Variants in DNAI3 observed in about 807,000 individuals in gnomAD.
DNAI3 encodes WD repeat domain 63.
In DNAI3, 83 loss-of-function variants were observed where a neutral mutation model predicts 115.5. The observed-to-expected ratio is 0.72, with a 90% CI of 0.60 to 0.86. DNAI3 has a LOEUF of 0.86. Among genes scored for constraint, DNAI3 ranks in the 40% least tolerant of loss-of-function variants. The pLI, the probability that DNAI3 is intolerant of heterozygous loss-of-function variation, is 0.00. For synonymous variants in DNAI3, 320 were observed against 347.0 expected (o/e 0.92, Z 0.86); for missense variants, 1,004 against 1,075.8 (o/e 0.93, Z 0.93).
chr1:85,079,089 G>C (rs72946771), intron 3 of DNAI3, among the ~76,000 whole-genome samples: 1 of 152,190 alleles, frequency 6.6e-6, no homozygotes, highest in African/African-American at 2.4e-5. Context: ...CACTAGCACA[G>C]TGTGAGTCTC....
Position 85,108,014 on chromosome 1 carries a change from A to G in DNAI3, c.1554-19A>G. 7.7e-6 allele frequency: 11 copies of G among 1,426,266 alleles called. No individual in the cohort carries two copies. The highest frequency in any genetic ancestry group is 1.0e-5 in the Non-Finnish European group (11 of 1,093,794). 88.4% of individuals were successfully genotyped at this position (1,426,266 alleles called of 1,614,324 possible). On this transcript the variant is annotated intron_variant, in intron 14 of 22. Coordinates refer to ENST00000294664, the MANE Select transcript of DNAI3 (RefSeq NM_145172.5). ...CTCTTGTTTGTACTTAATAAAAAAT[A>G]TATATAAATTTTTTTTAGCACAATA...
intron 22 of DNAI3, among the ~76,000 whole-genome samples, chr1:85,131,462 AAT>A (rs201198714): frequency 0.17 from 18,912 of 111,284 alleles, 2,351 homozygotes; most frequent in East Asian, 0.27. Context: ...AAAAAAAAAA[AAT>A]AAAGCATTAG....
intron 13 of DNAI3, among the ~76,000 whole-genome samples, chr1:85,102,877 T>TG (rs1313222928): frequency 1.3e-5 from 2 of 152,226 alleles, no homozygotes; most frequent in African/African-American, 4.8e-5. Flanking sequence ...TCTATAATAC[T>TG]GTTATGTTTT....
Position 85,106,766 on chromosome 1 carries a change from A to G in DNAI3, c.1554-1267A>G, listed in dbSNP as rs147896913. Among the ~76,000 whole-genome samples, 36 of 152,356 alleles carry G rather than the reference A, an allele frequency of 2.4e-4. No homozygotes were observed. In the East Asian group the frequency reaches 6.2e-3, roughly 26 times the overall value. ...CCAACTGATTTTCAACAAGGATGCCAAGACAATTCAATGGATAAAGAATAA... is the reference window on the plus strand; with the variant it reads ...CCAACTGATTTTCAACAAGGATGCCGAGACAATTCAATGGATAAAGAATAA... On this transcript the variant is annotated intron_variant, in intron 14 of 22. Coordinates refer to ENST00000294664, the MANE Select transcript of DNAI3 (RefSeq NM_145172.5).
In DNAI3 at chr1:85,117,755, G is replaced by A; in HGVS notation, c.1813G>A (p.Glu605Lys). ...QDKMLAQSKT[E>K]KAEEMNPYHN... ...CAAAATGTTAGCACAGAGCAAAACA[G>A]AGAAGGCAGAAGAAATGAACCCGTA... The change falls in exon 17 of 23, where the codon GAG becomes AAG. Residue 605 changes from glutamate (E) to lysine (K), a missense_variant. Transcript: ENST00000294664. 6.2e-7 allele frequency: 1 copy of A among 1,613,810 alleles called. No homozygotes were observed. The highest frequency in any genetic ancestry group is 1.1e-5 in the South Asian group (1 of 91,058).
In DNAI3 at chr1:85,077,988, T is replaced by C. The variant is rs561491173; in HGVS notation, c.104-3246T>C. Among the ~76,000 whole-genome samples, 17 of 152,326 alleles carry C rather than the reference T, an allele frequency of 1.1e-4. No individual in the cohort carries two copies. In the South Asian group the frequency reaches 1.2e-3, roughly 11 times the overall value. Reference sequence around the variant, plus strand: ...ATTTATATTGCATAGCCTTCTATTGTGTGCACATAGTAAGATTCTGAGGCA... The same window carrying C: ...ATTTATATTGCATAGCCTTCTATTGCGTGCACATAGTAAGATTCTGAGGCA... On this transcript the variant is annotated intron_variant, in intron 3 of 22. Coordinates refer to ENST00000294664, the MANE Select transcript of DNAI3 (RefSeq NM_145172.5).
At chr1:85,106,841 T>C (rs1346159047) in intron 14 of DNAI3, among the ~76,000 whole-genome samples, 1 of 152,182 alleles carries the variant, frequency 6.6e-6, no homozygotes, top group Non-Finnish European at 1.5e-5. Flanking sequence ...GTGCAAAATA[T>C]AACGTTGGAT....
At chr1:85,121,686 T>C (rs577851769) in intron 17 of DNAI3, 65 bp from the exon 18 acceptor site, 7 of 1,431,704 alleles carry the variant, frequency 4.9e-6, no homozygotes, top group Admixed American at 3.6e-5. Flanking sequence ...TCTTAGCACA[T>C]GAGTGTGAAG....
At position 85,110,073 on chromosome 1, in the gene DNAI3, G is replaced by A; in HGVS notation, c.1724G>A (p.Ser575Asn). The change falls in exon 16 of 23, where the codon AGT becomes AAT. Residue 575 changes from serine to asparagine, a missense_variant. Physicochemically the swap from Ser to Asn is conservative, Grantham distance 46. Around this residue, in one of 3 missense-constraint regions of DNAI3, gnomAD observed 429 missense variants for 454.3 expected, o/e 0.94. Coordinates refer to ENST00000294664, the MANE Select transcript of DNAI3 (RefSeq NM_145172.5). ...TKVRLSKGET[S>N]LDHCPTKISL... Reference sequence around the variant, plus strand: ...GTAAGGCTGTCCAAGGGTGAAACAAGTTTAGACCACTGTCCAACCAAGATA... The same window carrying A: ...GTAAGGCTGTCCAAGGGTGAAACAAATTTAGACCACTGTCCAACCAAGATA... The A allele has an allele frequency of 6.3e-7, 1 of 1,594,972 alleles. No homozygotes were observed. Among genetic ancestry groups the A allele is most frequent in the Non-Finnish European group, 8.6e-7 (1 of 1,168,752 alleles).
intron 16 of DNAI3, among the ~76,000 whole-genome samples, chr1:85,112,556 G>A (rs1655690088): frequency 6.6e-6 from 1 of 152,176 alleles, no homozygotes. Flanking sequence ...CACTAGCAGT[G>A]TATGGAGAGT....
chr1:85,102,955 T>C (rs190539331), intron 13 of DNAI3, among the ~76,000 whole-genome samples: 2 of 152,320 alleles, frequency 1.3e-5, no homozygotes, highest in East Asian at 3.9e-4. Flanking sequence ...GACTTCATTA[T>C]AGCAGAAAAG....
chr1:85,105,902 C>T (rs571710772), intron 14 of DNAI3, among the ~76,000 whole-genome samples: 44 of 152,306 alleles, frequency 2.9e-4, no homozygotes, highest in South Asian at 2.1e-3. Flanking sequence ...CCTTGAGTGA[C>T]GATCCCAACC....
intron 13 of DNAI3, chr1:85,099,355 A>C (rs553879075): frequency 1.3e-4 from 106 of 828,120 alleles, no homozygotes; most frequent in Non-Finnish European, 1.5e-4. Flanking sequence ...GAGCCAAATC[A>C]TGAGTGAACT....
chr1:85,078,825 G>A (rs1654541378), intron 3 of DNAI3, among the ~76,000 whole-genome samples: 1 of 152,202 alleles, frequency 6.6e-6, no homozygotes, highest in African/African-American at 2.4e-5. Flanking sequence ...CAGTCCACTA[G>A]TTTTACTGAC....
chr1:85,116,799 A>G (rs1655831743), intron 16 of DNAI3, among the ~76,000 whole-genome samples: 1 of 152,128 alleles, frequency 6.6e-6, no homozygotes, highest in African/African-American at 2.4e-5. Flanking sequence ...TCATTTTGAT[A>G]CTCGTTTTTG....
intron 16 of DNAI3, among the ~76,000 whole-genome samples, chr1:85,113,835 C>G (rs761244948): frequency 6.6e-6 from 1 of 151,852 alleles, no homozygotes; most frequent in African/African-American, 2.4e-5. Context: ...TATATCTGTT[C>G]GTTTATTTAG....
At chr1:85,105,137 C>G (rs1466775428) in intron 14 of DNAI3, among the ~76,000 whole-genome samples, 4 of 152,094 alleles carry the variant, frequency 2.6e-5, no homozygotes, top group African/African-American at 9.7e-5. Context: ...GTTGGACAAA[C>G]TTTCCCATTC....
At chr1:85,132,724 C>A in intron 22 of DNAI3, 131 bp from the exon 23 acceptor site, 3 of 1,103,296 alleles carry the variant, frequency 2.7e-6, no homozygotes, top group Non-Finnish European at 3.7e-6. Context: ...CTCCTGCCTT[C>A]CTGCCCTCCA....
chr1:85,103,613 C>T (rs1050763301), intron 13 of DNAI3, among the ~76,000 whole-genome samples: 2 of 152,022 alleles, frequency 1.3e-5, no homozygotes, highest in African/African-American at 2.4e-5. Context: ...TGAGGCCGGG[C>T]GCATGGCTCA....
Sources: allele counts gnomAD v4.1 joint callset (sites outside exome capture counted in the v4.1 genomes callset), GRCh38; gene constraint gnomAD v4.1.1; regional missense constraint gnomAD v4.1.1; transcripts MANE v1.5; gene names NCBI Gene and HGNC (gene_info 2026-07-23, HGNC 2026-07-21).